STK3: variants seen among roughly 807,000 people sequenced by gnomAD.
STK3 encodes serine/threonine-protein kinase 3.
A neutral mutation model predicts 58.0 loss-of-function variants in STK3; 41 were observed. The observed-to-expected ratio is 0.71, with a 90% CI of 0.55 to 0.92. The LOEUF (loss-of-function observed/expected upper bound fraction) is 0.92, where lower values mean the gene tolerates loss of function less well. Among genes scored for constraint, STK3 ranks in the 40% least tolerant of loss-of-function variants. STK3 has a pLI of 0.00. For missense variants in STK3, 479 were observed against 602.7 expected (o/e 0.79, Z 2.15); for synonymous variants, 170 against 191.0 (o/e 0.89, Z 0.91).
intron 4 of STK3, among the ~76,000 whole-genome samples, chr8:98,745,188 T>C (rs1587496469): frequency 6.6e-6 from 1 of 152,172 alleles, no homozygotes; most frequent in African/African-American, 2.4e-5. Flanking sequence ...CCAAAAAAGC[T>C]TGCTATATAA....
downstream of STK3, among the ~76,000 whole-genome samples, chr8:98,371,143 C>G (rs1817606215): frequency 6.6e-6 from 1 of 152,200 alleles, no homozygotes; most frequent in African/African-American, 2.4e-5. Context: ...CAGGACAAGA[C>G]TTGATCTTGT....
chr8:98,482,479 C>T (rs940659508), intron 10 of STK3, among the ~76,000 whole-genome samples: 1 of 152,190 alleles, frequency 6.6e-6, no homozygotes, highest in Admixed American at 6.5e-5. Flanking sequence ...CCGGGATTAG[C>T]AATGCCAGGA....
chr8:98,915,272 G>A (rs992190340), intron 1 of STK3, among the ~76,000 whole-genome samples: 5 of 151,560 alleles, frequency 3.3e-5, no homozygotes, highest in South Asian at 2.1e-4. Flanking sequence ...CTAACCTCCC[G>A]GACTATATCT....
intron 6 of STK3, among the ~76,000 whole-genome samples, chr8:98,600,052 T>C (rs1816197701): frequency 6.6e-6 from 1 of 152,198 alleles, no homozygotes; most frequent in African/African-American, 2.4e-5. Context: ...TTGAAGAGAA[T>C]AGTAAATCTA....
At chr8:98,398,068 T>G (rs1387298106), downstream of STK3, among the ~76,000 whole-genome samples, 1 of 152,220 alleles carries the variant, frequency 6.6e-6, no homozygotes, top group African/African-American at 2.4e-5. Flanking sequence ...TATCTCTTAG[T>G]GTGGGCTAAG....
At chr8:98,353,865 T>A in the STK3 span, among the ~76,000 whole-genome samples, 1 of 151,718 alleles carries the variant, frequency 6.6e-6, no homozygotes, top group African/African-American at 2.4e-5. Flanking sequence ...AACATACTTT[T>A]GTTGTTCTCT....
intron 1 of STK3, among the ~76,000 whole-genome samples, chr8:98,803,639 A>G (rs1833732495): frequency 6.6e-6 from 1 of 151,802 alleles, no homozygotes; most frequent in Admixed American, 6.6e-5. Context: ...AGTAAAAACA[A>G]TAACCTGTTA....
At chr8:98,349,631 T>G in the STK3 span, among the ~76,000 whole-genome samples, 7 of 152,208 alleles carry the variant, frequency 4.6e-5, no homozygotes, top group Non-Finnish European at 1.0e-4. Context: ...CAAACTTCTA[T>G]CTGGACATCC....
chr8:98,361,251 C>G, the STK3 span, among the ~76,000 whole-genome samples: 1 of 152,192 alleles, frequency 6.6e-6, no homozygotes, highest in Non-Finnish European at 1.5e-5. Context: ...ACTCTGCAGA[C>G]CAGGCCTTGC....
chr8:98,782,981 A>T (rs1366702767), intron 1 of STK3, among the ~76,000 whole-genome samples: 2 of 152,064 alleles, frequency 1.3e-5, no homozygotes, highest in African/African-American at 4.8e-5. Context: ...CAAATTCAAC[A>T]AATTTGAAAA....
chr8:98,773,308 C>T (rs188335401), intron 2 of STK3, among the ~76,000 whole-genome samples: 2 of 152,264 alleles, frequency 1.3e-5, no homozygotes, highest in East Asian at 1.9e-4. Context: ...GCCATGTTGT[C>T]TGACATGTTT....
rs528066199 is a variant in STK3 at position 98,550,577 on chromosome 8, A to C, written c.949-2416T>G. Among the ~76,000 whole-genome samples the C allele has an allele frequency of 4.6e-5, 7 of 152,240 alleles. No homozygotes were observed. In the East Asian group the frequency reaches 1.4e-3, roughly 29 times the overall value. On this transcript the variant is annotated intron_variant, in intron 8 of 10. Coordinates refer to ENST00000419617, the MANE Select transcript of STK3 (RefSeq NM_006281.4). ...TCATTCCCTATATATGCATCAGTCAACTAGTTCTTTAAATAATTCTCTCTT... is the reference window on the plus strand; with the variant it reads ...TCATTCCCTATATATGCATCAGTCACCTAGTTCTTTAAATAATTCTCTCTT...
At chr8:98,674,066 G>T (rs918991906) in intron 6 of STK3, among the ~76,000 whole-genome samples, 7 of 152,076 alleles carry the variant, frequency 4.6e-5, no homozygotes, top group Non-Finnish European at 8.8e-5. Flanking sequence ...TCCTCCAAAA[G>T]AGACACTCAG....
rs558561272 is a variant in STK3, at chr8:98,602,626, G to C, written c.685-6457C>G. On this transcript the variant is annotated intron_variant, in intron 6 of 10. Transcript: ENST00000419617. The stretch of plus-strand genomic sequence containing the variant: ...CCATAGTAAAACCTAAATTTATACT[G>C]AGAGTGTTGATATAAAGACATCCAG... 5.9e-5 allele frequency among the ~76,000 whole-genome samples: 9 copies of C among 152,286 alleles called. No individual in the cohort carries two copies. In the South Asian group the frequency reaches 1.7e-3, roughly 28 times the overall value.
chr8:98,734,774 C>T (rs1364207365), intron 4 of STK3, among the ~76,000 whole-genome samples: 2 of 151,842 alleles, frequency 1.3e-5, no homozygotes, highest in African/African-American at 4.8e-5. Context: ...TCAAAACTTA[C>T]TACCACAAAT....
At chr8:98,548,603 A>G (rs567371589) in intron 8 of STK3, among the ~76,000 whole-genome samples, 2 of 152,148 alleles carry the variant, frequency 1.3e-5, no homozygotes, top group East Asian at 1.9e-4. Context: ...AAAATATACA[A>G]ATACATATAT....
chr8:98,828,604 A>G (rs887449051), upstream of STK3, among the ~76,000 whole-genome samples: 2 of 151,700 alleles, frequency 1.3e-5, no homozygotes, highest in African/African-American at 4.8e-5. Context: ...GAAAGAAAGA[A>G]AGAGAGAGAG....
chr8:98,777,661 G>C (rs1160480293), intron 1 of STK3, among the ~76,000 whole-genome samples: 3 of 152,174 alleles, frequency 2.0e-5, no homozygotes, highest in Non-Finnish European at 4.4e-5. Context: ...ATTCTTAACA[G>C]AATAGGAAAT....
In STK3 at chr8:98,528,089, C is replaced by T. The variant is rs1195471719; in HGVS notation, c.1142-1172G>A. On this transcript the variant is annotated intron_variant, in intron 9 of 10. Coordinates refer to ENST00000419617, the MANE Select transcript of STK3 (RefSeq NM_006281.4). ...TACTTCTCAGTACAGTTAACTATAA[C>T]CCCTTTTCTCTACTTATCATTGCAA... Among the ~76,000 whole-genome samples, 5 of 152,268 alleles carry T rather than the reference C, an allele frequency of 3.3e-5. No individual in the cohort carries two copies. In the East Asian group the frequency reaches 9.6e-4, roughly 29 times the overall value.
Sources: allele counts gnomAD v4.1 joint callset (sites outside exome capture counted in the v4.1 genomes callset), GRCh38; gene constraint gnomAD v4.1.1; transcripts MANE v1.5; gene names NCBI Gene and HGNC (gene_info 2026-07-23, HGNC 2026-07-21).